The following RASGRP2 variants were observed in gnomAD, a reference collection of about 807,000 sequenced individuals.
RASGRP2 encodes RAS guanyl-releasing protein 2.
In RASGRP2, 44 loss-of-function variants were observed where a neutral mutation model predicts 71.0. The ratio of observed to expected loss-of-function variants is 0.62; its 90% CI spans 0.49 to 0.80. The LOEUF is 0.80. Ranked by LOEUF, RASGRP2 falls within the 30% of genes least tolerant of loss-of-function variation. RASGRP2 has a pLI of 0.00. For synonymous variants in RASGRP2, 350 were observed against 330.7 expected, an observed-to-expected ratio of 1.06 and a Z score of -0.63; for missense variants, 663 against 813.4, an observed-to-expected ratio of 0.82 and a Z score of 2.25.
chr11:64,741,654 G>A, intron 3 of RASGRP2, 153 bp from the exon 4 acceptor site: 2 of 765,036 alleles, frequency 2.6e-6, no homozygotes, highest in Non-Finnish European at 4.6e-6. Context: ...GCTCTGGGAG[G>A]GGTTGGAGGT....
chr11:64,739,825 G>A lies in RASGRP2; in HGVS notation c.523-16C>T. Reference sequence around the variant, plus strand: ...AGTCCTGAAACTGGGGGCATGAGGAGTGGCCTCAGCACCTTGCTGGCCTCT... The same window carrying A: ...AGTCCTGAAACTGGGGGCATGAGGAATGGCCTCAGCACCTTGCTGGCCTCT... On this transcript the variant is annotated splice_polypyrimidine_tract_variant and intron_variant, in intron 6 of 16. Transcript: ENST00000394432. The surrounding 1 kb of genome is among the most constrained non-coding windows in gnomAD (Gnocchi z 4.2). 2 of 1,613,430 alleles carry A rather than the reference G, an allele frequency of 1.2e-6. No individual in the cohort carries two copies. The highest frequency in any genetic ancestry group is 1.7e-6 in the Non-Finnish European group (2 of 1,179,850).
rs2057680108 is a variant in RASGRP2 at position 64,729,280 on chromosome 11, C to T, written c.1592-238G>A. Among the ~76,000 whole-genome samples, 4 of 152,126 alleles carry T rather than the reference C, an allele frequency of 2.6e-5. No homozygotes were observed. In the South Asian group the frequency reaches 8.3e-4, roughly 31 times the overall value. On this transcript the variant is annotated intron_variant, in intron 14 of 16. Transcript: ENST00000394432. ...ATAAATGGCCTCTTAAACGCCACTC[C>T]CTTCACATCAGTCATCTTGAGCCTC...
intron 9 of RASGRP2, 64 bp downstream of exon 9, chr11:64,736,689 G>C: frequency 2.0e-6 from 3 of 1,522,016 alleles, no homozygotes; most frequent in Non-Finnish European, 2.7e-6. Flanking sequence ...CCCACAGCCA[G>C]GACCTGGGGA....
Position 64,728,935 on chromosome 11 carries a change from T to C in RASGRP2, c.1699A>G (p.Met567Val), listed in dbSNP as rs373526994. ...LEGSAPSPSP[M>V]HSHHHRAFSF... Reference sequence around the variant, plus strand: ...AAGGCGCGGTGATGGTGGCTGTGCATGGGTGAGGGTGAGGGTGCAGACCCC... The same window carrying C: ...AAGGCGCGGTGATGGTGGCTGTGCACGGGTGAGGGTGAGGGTGCAGACCCC... Residue 567 changes from methionine to valine, a missense_variant, in exon 15 of 17, where the codon ATG (methionine) becomes GTG (valine). Met to Val is a conservative substitution (Grantham distance 21). Coordinates refer to ENST00000394432, the MANE Select transcript of RASGRP2 (RefSeq NM_001098671.2). 80 of 1,612,964 alleles carry C rather than the reference T, an allele frequency of 5.0e-5. No homozygotes were observed. Among genetic ancestry groups the C allele is most frequent in the Non-Finnish European group, 6.4e-5 (76 of 1,179,952 alleles).
chr11:64,733,885 G>A (rs1159548110), intron 12 of RASGRP2, among the ~76,000 whole-genome samples: 6 of 143,970 alleles, frequency 4.2e-5, no homozygotes, highest in Admixed American at 1.5e-4. Flanking sequence ...GTGATCTCGC[G>A]CAGTCACCCA....
At chr11:64,730,598 G>A (rs1417449615) in intron 12 of RASGRP2, among the ~76,000 whole-genome samples, 1 of 152,204 alleles carries the variant, frequency 6.6e-6, no homozygotes, top group African/African-American at 2.4e-5. Flanking sequence ...GGGAGAAATC[G>A]CATCCCTCTC....
intron 5 of RASGRP2, 166 bp from the exon 6 acceptor site, chr11:64,740,329 C>G (rs1448748651): frequency 2.6e-6 from 2 of 781,918 alleles, no homozygotes; most frequent in Admixed American, 2.0e-5. Flanking sequence ...TCTCCCCCGA[C>G]CCCGTCATGC....
Position 64,729,060 on chromosome 11 carries a change from G to A in RASGRP2, c.1592-18C>T. On this transcript the variant is annotated intron_variant, in intron 14 of 16. Transcript: ENST00000394432. ...TCCACAGGCTGGGGGAGAGCAAATGGAGAGCCAGCCAGGGACATTGGTCAG... is the reference window on the plus strand; with the variant it reads ...TCCACAGGCTGGGGGAGAGCAAATGAAGAGCCAGCCAGGGACATTGGTCAG... The A allele has an allele frequency of 1.3e-6, 2 of 1,581,982 alleles. No homozygotes were observed. Among genetic ancestry groups the A allele is most frequent in the Non-Finnish European group, 8.5e-7 (1 of 1,170,380 alleles).
chr11:64,731,390 A>C (rs1353724850), intron 12 of RASGRP2, among the ~76,000 whole-genome samples: 13 of 151,770 alleles, frequency 8.6e-5, no homozygotes, highest in Admixed American at 8.5e-4. Flanking sequence ...AGATATAATA[A>C]TTTTATAATC....
Position 64,742,094 on chromosome 11 carries a change from C to A in RASGRP2, c.92G>T (p.Arg31Leu), listed in dbSNP as rs865832274. ...IEAFDDSGKV[R>L]DPQLVRMFLM... The stretch of plus-strand genomic sequence containing the variant: ...GAACATGCGCACCAGCTGCGGGTCC[C>A]GCACCTTCCCGGAGTCATCTGACTC... Residue 31 changes from arginine to leucine, a missense_variant, in exon 3 of 17, where the codon CGG (arginine) becomes CTG (leucine). Physicochemically the swap from Arg to Leu is moderately radical, Grantham distance 102. Coordinates refer to ENST00000394432, the MANE Select transcript of RASGRP2 (RefSeq NM_001098671.2). The surrounding 1 kb of genome is among the most constrained non-coding windows in gnomAD (Gnocchi z 4.7). The A allele has an allele frequency of 6.3e-7, 1 of 1,599,542 alleles. No homozygotes were observed. The highest frequency in any genetic ancestry group is 2.3e-5 in the East Asian group (1 of 44,040).
rs1457201902 is a variant in RASGRP2 at position 64,736,006 on chromosome 11, C to T, written c.1096-26G>A. The T allele has an allele frequency of 1.9e-6, 3 of 1,605,260 alleles. No individual in the cohort carries two copies. In the East Asian group the frequency reaches 6.7e-5, roughly 36 times the overall value. On this transcript the variant is annotated intron_variant, in intron 9 of 16. Coordinates refer to ENST00000394432, the MANE Select transcript of RASGRP2 (RefSeq NM_001098671.2). The stretch of plus-strand genomic sequence containing the variant: ...CTGGGACACACAGATCTGATCACCC[C>T]CACTGGCCCCTGCCCACAGCCACAG...
At chr11:64,737,235 C>CA (rs1321228921) in intron 8 of RASGRP2, 14 of 626,990 alleles carry the variant, frequency 2.2e-5, no homozygotes, top group Non-Finnish European at 3.9e-5. Flanking sequence ...TACTCACTGC[C>CA]AAAAGCACCA....
intron 16 of RASGRP2, 56 bp downstream of exon 16, chr11:64,727,240 C>T: frequency 6.6e-7 from 1 of 1,510,400 alleles, no homozygotes; most frequent in Middle Eastern, 1.7e-4. Flanking sequence ...TGATACTCCC[C>T]AGCTCCCCCC....
Position 64,742,692 on chromosome 11 carries a change from G to T in RASGRP2, c.73+102C>A. ...GACTGCACGCTGCGGAGCAGGGTGG[G>T]TCCGGGTCAGGGCTGTGCCCTGGAC... On this transcript the variant is annotated intron_variant, in intron 2 of 16. Transcript: ENST00000394432. This position sits in a 1 kb window ranked among gnomAD's most constrained non-coding sequence, Gnocchi z 4.7. 1 of 1,483,054 alleles carries T rather than the reference G, an allele frequency of 6.7e-7. No individual in the cohort carries two copies. The highest frequency in any genetic ancestry group is 9.2e-7 in the Non-Finnish European group (1 of 1,089,932). The allele number at this position is 1,483,054 out of a possible 1,614,324, so 91.9% of individuals were successfully genotyped here. A position where few individuals can be genotyped will look rare whatever the true frequency, so the allele number is the denominator to read the frequency against.
chr11:64,731,183 C>T (rs369902517), intron 12 of RASGRP2, among the ~76,000 whole-genome samples: 1 of 152,070 alleles, frequency 6.6e-6, no homozygotes, highest in Non-Finnish European at 1.5e-5. Flanking sequence ...GGCAAAGCCC[C>T]GTCTCTACTA....
rs774789941 is a variant in RASGRP2 at position 64,739,992 on chromosome 11, C to A, written c.522+21G>T. 1.2e-6 allele frequency: 2 copies of A among 1,614,018 alleles called. No homozygotes were observed. Among genetic ancestry groups the A allele is most frequent in the East Asian group, 2.2e-5 (1 of 44,864 alleles). The stretch of plus-strand genomic sequence containing the variant: ...TTCCAGCCCACATTGGACCCCTGAC[C>A]CCCCAGCCCTCGGGCCGCACCAGGA... On this transcript the variant is annotated intron_variant, in intron 6 of 16. Coordinates refer to ENST00000394432, the MANE Select transcript of RASGRP2 (RefSeq NM_001098671.2). This position sits in a 1 kb window ranked among gnomAD's most constrained non-coding sequence, Gnocchi z 4.2.
chr11:64,729,496 C>T (rs2135727511), intron 14 of RASGRP2, among the ~76,000 whole-genome samples: 1 of 152,216 alleles, frequency 6.6e-6, no homozygotes, highest in East Asian at 1.9e-4. Flanking sequence ...GCCACCACGC[C>T]CAGCTACTTT....
At position 64,743,996 on chromosome 11, in the gene RASGRP2, C is replaced by T; in HGVS notation, c.-72+7G>A. 1.0e-6 allele frequency: 1 copy of T among 987,948 alleles called. No homozygotes were observed. Among genetic ancestry groups the T allele is most frequent in the Non-Finnish European group, 1.2e-6 (1 of 830,774 alleles). The allele number at this position is 987,948 out of a possible 1,614,324, so 61.2% of individuals were successfully genotyped here. A position where few individuals can be genotyped will look rare whatever the true frequency, so the allele number is the denominator to read the frequency against. Reference sequence around the variant, plus strand: ...ACCTGCACGAAGAAACCCTCAGGCACACATACCCAGCTCGTCCACCCCAGA... The same window carrying T: ...ACCTGCACGAAGAAACCCTCAGGCATACATACCCAGCTCGTCCACCCCAGA... On this transcript the variant is annotated splice_region_variant and intron_variant, in intron 1 of 16. Transcript: ENST00000394432. The surrounding 1 kb of genome is among the most constrained non-coding windows in gnomAD (Gnocchi z 4.9).
intron 4 of RASGRP2, 30 bp from the exon 5 acceptor site, chr11:64,741,109 C>T: frequency 1.2e-6 from 2 of 1,608,778 alleles, no homozygotes; most frequent in South Asian, 2.2e-5. Context: ...CCCAAGATAG[C>T]CCTTCCCCCA....
Sources: allele counts gnomAD v4.1 joint callset (sites outside exome capture counted in the v4.1 genomes callset), GRCh38; gene constraint gnomAD v4.1.1; non-coding constraint Gnocchi (gnomAD v3.1); transcripts MANE v1.5; gene names NCBI Gene and HGNC (gene_info 2026-07-23, HGNC 2026-07-21).